Variants in FBXO44 observed in about 807,000 individuals in gnomAD.
FBXO44 encodes F-box protein 44.
FBXO44 carries 25 observed loss-of-function variants against 33.5 expected under a neutral mutation model. That is an observed-to-expected ratio of 0.75 (90% CI 0.54 to 1.04). FBXO44 has a LOEUF of 1.04. Ranked by LOEUF, FBXO44 falls within the 50% of genes least tolerant of loss-of-function variation. The pLI is 0.00. For synonymous variants in FBXO44, 147 were observed against 152.8 expected, an observed-to-expected ratio of 0.96 and a Z score of 0.28; for missense variants, 311 against 344.0, an observed-to-expected ratio of 0.90 and a Z score of 0.76.
rs888967060 is a variant in FBXO44 at position 11,661,766 on chromosome 1, G to A, written c.*493G>A. 3.2e-5 allele frequency: 5 copies of A among 153,988 alleles called. No homozygotes were observed. Among genetic ancestry groups the A allele is most frequent in the Admixed American group, 6.5e-5 (1 of 15,426 alleles). The allele number at this position is 153,988 out of a possible 1,614,324, so 9.5% of individuals were successfully genotyped here. A position where few individuals can be genotyped will look rare whatever the true frequency, so the allele number is the denominator to read the frequency against. On this transcript the variant is annotated 3_prime_UTR_variant, in exon 6 of 6. Transcript: ENST00000251547. The surrounding 1 kb of genome is among the most constrained non-coding windows in gnomAD (Gnocchi z 4.4). ...GAAGTGGAGGGTGGGCTCATGGGCCGTGCTCTGCCCCTGTCTGCTGCTCCC... is the reference window on the plus strand; with the variant it reads ...GAAGTGGAGGGTGGGCTCATGGGCCATGCTCTGCCCCTGTCTGCTGCTCCC...
intron 5 of FBXO44, among the ~76,000 whole-genome samples, chr1:11,660,019 G>A (rs1019262200): frequency 5.3e-5 from 8 of 152,244 alleles, no homozygotes; most frequent in African/African-American, 1.9e-4. Flanking sequence ...CTGTCCAATA[G>A]AACTTTCTGT....
At position 11,661,432 on chromosome 1, in the gene FBXO44, CCTCGCATGCTGGGGTCGGGCCAGCT is replaced by C; in HGVS notation, c.*163_*187del. On this transcript the variant is annotated 3_prime_UTR_variant, in exon 6 of 6. Transcript: ENST00000251547. This position sits in a 1 kb window ranked among gnomAD's most constrained non-coding sequence, Gnocchi z 4.4. Reference sequence around the variant, plus strand: ...TGTGGAGCCTCTCAGTGTGGGCAGCCCTCGCATGCTGGGGTCGGGCCAGCTCTCCCCGAAAGGTCTTGACCTGAAT... The same window carrying C: ...TGTGGAGCCTCTCAGTGTGGGCAGCCCTCCCCGAAAGGTCTTGACCTGAAT... The C allele has an allele frequency of 8.9e-7, 1 of 1,125,274 alleles. No individual in the cohort carries two copies. The highest frequency in any genetic ancestry group is 1.6e-5 in the South Asian group (1 of 61,770). The allele number at this position is 1,125,274 out of a possible 1,614,324, so 69.7% of individuals were successfully genotyped here.
chr1:11,661,107 C>T lies in FBXO44; in HGVS notation c.625-23C>T, dbSNP rs755338662. 39 of 1,598,846 alleles carry T rather than the reference C, an allele frequency of 2.4e-5. No homozygotes were observed. The highest frequency in any genetic ancestry group is 4.0e-5 in the African/African-American group (3 of 74,706). Reference sequence around the variant, plus strand: ...CTGAGTCAGCTCCCTTGACCTTTCTCCCCCCTCTACCTGCCCTGCCAGGTC... The same window carrying T: ...CTGAGTCAGCTCCCTTGACCTTTCTTCCCCCTCTACCTGCCCTGCCAGGTC... On this transcript the variant is annotated intron_variant, in intron 5 of 5. Transcript: ENST00000251547. The surrounding 1 kb of genome is among the most constrained non-coding windows in gnomAD (Gnocchi z 4.4).
At chr1:11,655,104 C>A (rs1170342929) in intron 1 of FBXO44, among the ~76,000 whole-genome samples, 152 bp downstream of exon 1, 1 of 151,830 alleles carries the variant, frequency 6.6e-6, no homozygotes, top group East Asian at 1.9e-4. Context: ...GCCCGGGCTG[C>A]GCTGCGCGGC....
Position 11,661,483 on chromosome 1 carries a change from G to A in FBXO44, c.*210G>A. 1.6e-6 allele frequency: 1 copy of A among 622,484 alleles called. No homozygotes were observed. 38.6% of individuals were successfully genotyped at this position (622,484 alleles called of 1,614,324 possible). A position where few individuals can be genotyped will look rare whatever the true frequency, so the allele number is the denominator to read the frequency against. The stretch of plus-strand genomic sequence containing the variant: ...CTCCCCGAAAGGTCTTGACCTGAAT[G>A]ATGGCCGGGGAAGCCTGCGTGTGCC... On this transcript the variant is annotated 3_prime_UTR_variant, in exon 6 of 6. Coordinates refer to ENST00000251547, the MANE Select transcript of FBXO44 (RefSeq NM_033182.7). This position sits in a 1 kb window ranked among gnomAD's most constrained non-coding sequence, Gnocchi z 4.4.
chr1:11,661,283 A>G lies in FBXO44; in HGVS notation c.*10A>G, dbSNP rs1394683557. The G allele has an allele frequency of 1.2e-6, 2 of 1,613,838 alleles. No homozygotes were observed. The highest frequency in any genetic ancestry group is 1.3e-5 in the African/African-American group (1 of 74,890). On this transcript the variant is annotated 3_prime_UTR_variant, in exon 6 of 6. Coordinates refer to ENST00000251547, the MANE Select transcript of FBXO44 (RefSeq NM_033182.7). This position sits in a 1 kb window ranked among gnomAD's most constrained non-coding sequence, Gnocchi z 4.4. ...GCCCCCGCTGCCCTGACACCCCCTG[A>G]GCCCCCATCTGCTGAACCCTGACTG...
Position 11,661,160 on chromosome 1 carries a change from G to A in FBXO44, c.655G>A (p.Gly219Ser), listed in dbSNP as rs199617492. ...VSHTFSNYPPGVRYIWFQHGG... is the reference protein window; with the variant it reads ...VSHTFSNYPPSVRYIWFQHGG... ...CCACACATTCTCCAACTACCCGCCC[G>A]GCGTCCGCTACATCTGGTTTCAGCA... The change falls in exon 6 of 6, where the codon GGC becomes AGC. Residue 219 changes from glycine (G) to serine (S), a missense_variant. Physicochemically the swap from Gly to Ser is moderately conservative, Grantham distance 56. Transcript: ENST00000251547. This position sits in a 1 kb window ranked among gnomAD's most constrained non-coding sequence, Gnocchi z 4.4. 1.2e-5 allele frequency: 19 copies of A among 1,613,494 alleles called. No homozygotes were observed. In the East Asian group the frequency reaches 1.3e-4, roughly 11 times the overall value.
intron 1 of FBXO44, chr1:11,655,447 G>T (rs1639710789): frequency 4.4e-6 from 1 of 227,084 alleles, no homozygotes; most frequent in Non-Finnish European, 8.9e-6. Flanking sequence ...AGAGAGGATG[G>T]TGACGGCACC....
At chr1:11,655,528 G>A (rs1004151468) in intron 1 of FBXO44, 25 of 435,220 alleles carry the variant, frequency 5.7e-5, no homozygotes, top group African/African-American at 4.5e-4. Flanking sequence ...AAAAAGGCTG[G>A]CCCTGGAATC....
In FBXO44 at chr1:11,655,867, A is replaced by G. The variant is rs1639747262; in HGVS notation, c.32A>G (p.Glu11Gly). 10 of 1,613,762 alleles carry G rather than the reference A, an allele frequency of 6.2e-6. No individual in the cohort carries two copies. The highest frequency in any genetic ancestry group is 8.5e-6 in the Non-Finnish European group (10 of 1,179,968). ...GTGGGGAACATCAACGAGCTGCCCGAGAACATCCTGCTGGAGCTGTTCACG... is the reference window on the plus strand; with the variant it reads ...GTGGGGAACATCAACGAGCTGCCCGGGAACATCCTGCTGGAGCTGTTCACG... MAVGNINELP[E>G]NILLELFTHV... The change falls in exon 2 of 6, where the codon GAG (glutamate) becomes GGG (glycine). Residue 11 changes from glutamate to glycine, a missense_variant. Coordinates refer to ENST00000251547, the MANE Select transcript of FBXO44 (RefSeq NM_033182.7).
rs1640090139 is a variant in FBXO44 at position 11,660,169 on chromosome 1, T to C, written c.625-961T>C. On this transcript the variant is annotated intron_variant, in intron 5 of 5. Coordinates refer to ENST00000251547, the MANE Select transcript of FBXO44 (RefSeq NM_033182.7). ...ATTTCATCTAATTTTACTTAATTTT[T>C]TTTTCTTTTTTGAGACGGAGTCTCG... is the stretch of plus-strand genomic sequence containing the variant. Among the ~76,000 whole-genome samples, 3 of 152,336 alleles carry C rather than the reference T, an allele frequency of 2.0e-5. No homozygotes were observed. In the South Asian group the frequency reaches 6.2e-4, roughly 32 times the overall value.
At position 11,661,255 on chromosome 1, in the gene FBXO44, C is replaced by G; in HGVS notation, c.750C>G (p.Ile250Met). 1 of 1,614,156 alleles carries G rather than the reference C, an allele frequency of 6.2e-7. No individual in the cohort carries two copies. The highest frequency in any genetic ancestry group is 1.3e-5 in the African/African-American group (1 of 75,044). ...GGGTCACCAACAGCAGCATCACCAT[C>G]GGGCCCCCGCTGCCCTGACACCCCC... Reference protein sequence around the residue: ...GPRVTNSSITIGPPLP With the variant: ...GPRVTNSSITMGPPLP Residue 250 changes from isoleucine to methionine, a missense_variant, in exon 6 of 6, where the codon ATC (isoleucine) becomes ATG (methionine). Transcript: ENST00000251547. This position sits in a 1 kb window ranked among gnomAD's most constrained non-coding sequence, Gnocchi z 4.4.
intron 2 of FBXO44, 58 bp downstream of exon 2, chr1:11,656,158 T>G: frequency 6.3e-7 from 1 of 1,587,338 alleles, no homozygotes; most frequent in South Asian, 1.1e-5. Context: ...ACCAGGAACA[T>G]GTATTGAGCA....
intron 4 of FBXO44, 36 bp from the exon 5 acceptor site, chr1:11,658,698 ATC>A: frequency 6.2e-7 from 1 of 1,610,682 alleles, no homozygotes. Flanking sequence ...CCTGCCCCCA[ATC>A]TCCGAGGCCC....
Position 11,661,337 on chromosome 1 carries a change from G to T in FBXO44, c.*64G>T. 1 of 1,602,124 alleles carries T rather than the reference G, an allele frequency of 6.2e-7. No homozygotes were observed. Among genetic ancestry groups the T allele is most frequent in the Non-Finnish European group, 8.5e-7 (1 of 1,171,340 alleles). On this transcript the variant is annotated 3_prime_UTR_variant, in exon 6 of 6. Transcript: ENST00000251547. The surrounding 1 kb of genome is among the most constrained non-coding windows in gnomAD (Gnocchi z 4.4). The stretch of plus-strand genomic sequence containing the variant: ...AACAACTGCTGTCAGAAAAGGGCTG[G>T]GCTTGGGAAGGGGAGGTGGAGGCCA...
chr1:11,655,473 T>C (rs113787992), intron 1 of FBXO44: 8 of 268,326 alleles, frequency 3.0e-5, no homozygotes, highest in African/African-American at 1.7e-4. Flanking sequence ...CCTGGGGTGC[T>C]CTGCCCGGCT....
rs540442688 is a variant in FBXO44, at chr1:11,660,455, G to A, written c.625-675G>A. 3.4e-4 allele frequency among the ~76,000 whole-genome samples: 51 copies of A among 152,132 alleles called. 1 individual carries two copies. The highest frequency in any genetic ancestry group is 2.6e-4 in the African/African-American group (11 of 41,514). On this transcript the variant is annotated intron_variant, in intron 5 of 5. Coordinates refer to ENST00000251547, the MANE Select transcript of FBXO44 (RefSeq NM_033182.7). ...GATTACAGGCATGAGCCACCGCGCC[G>A]GGCACTTTTACTTAATTTTAACCTA...
upstream of FBXO44, chr1:11,654,473 A>C (rs1051606787): frequency 8.8e-4 from 785 of 891,980 alleles, 3 homozygotes; most frequent in African/African-American, 0.012. Flanking sequence ...CCCCGACCCG[A>C]CCCGCCCCGC....
rs761682227 is a variant in FBXO44 at position 11,658,370 on chromosome 1, G to C, written c.369G>C (p.Lys123Asn). 2.5e-6 allele frequency: 4 copies of C among 1,613,856 alleles called. No individual in the cohort carries two copies. Among genetic ancestry groups the C allele is most frequent in the Non-Finnish European group, 3.4e-6 (4 of 1,179,922 alleles). ...QRKEFPNDQV[K>N]KYFVTSYYTC... ...AGGAATTCCCCAATGACCAGGTCAA[G>C]AAATACTTCGTTACTTCATATTAGT... is the stretch of plus-strand genomic sequence containing the variant. Residue 123 changes from lysine to asparagine, a missense_variant, in exon 3 of 6, where the codon AAG becomes AAC. Physicochemically the swap from Lys to Asn is moderately conservative, Grantham distance 94. Coordinates refer to ENST00000251547, the MANE Select transcript of FBXO44 (RefSeq NM_033182.7).
Sources: allele counts gnomAD v4.1 joint callset (sites outside exome capture counted in the v4.1 genomes callset), GRCh38; gene constraint gnomAD v4.1.1; non-coding constraint Gnocchi (gnomAD v3.1); transcripts MANE v1.5; gene names NCBI Gene and HGNC (gene_info 2026-07-23, HGNC 2026-07-21).